The following CACNA2D3 variants were observed in gnomAD, a reference collection of about 807,000 sequenced individuals.
CACNA2D3 encodes the protein calcium voltage-gated channel auxiliary subunit alpha2delta 3, also known as voltage-dependent calcium channel subunit alpha-2/delta-3.
A neutral mutation model predicts 160.6 loss-of-function variants in CACNA2D3; 60 were observed. The ratio of observed to expected loss-of-function variants is 0.37; its 90% CI spans 0.30 to 0.46. The LOEUF is 0.46. CACNA2D3 is among the 20% of genes least tolerant of loss of function. The pLI is 1.00. For missense variants in CACNA2D3, 1,205 were observed against 1,365.0 expected, an observed-to-expected ratio of 0.88 and a Z score of 1.85; for synonymous variants, 558 against 492.9, an observed-to-expected ratio of 1.13 and a Z score of -1.75.
rs1305888904 is a variant in CACNA2D3, at chr3:54,248,492, AAAAAAG to A, written c.205-71932_205-71927del. On this transcript the variant is annotated intron_variant, in intron 2 of 37. Coordinates refer to ENST00000474759, the MANE Select transcript of CACNA2D3 (RefSeq NM_018398.3). ...GAGAAACTCCATCTCAAAAAAAAAA[AAAAAAG>A]AAAAAGAAAAAGAAAAAAAAAGGTG... 3.6e-4 allele frequency among the ~76,000 whole-genome samples: 55 copies of A among 151,644 alleles called. No homozygotes were observed. The East Asian group carries it at 6.2e-3, about 17-fold the overall frequency.
At chr3:54,970,289 A>G (rs1234006638) in intron 29 of CACNA2D3, among the ~76,000 whole-genome samples, 1 of 152,160 alleles carries the variant, frequency 6.6e-6, no homozygotes, top group East Asian at 1.9e-4. Flanking sequence ...ATTTCATGTA[A>G]TAAGCAAACA....
intron 2 of CACNA2D3, among the ~76,000 whole-genome samples, chr3:54,269,706 A>G (rs948782271): frequency 1.1e-4 from 17 of 152,340 alleles, no homozygotes; most frequent in Admixed American, 1.0e-3. Context: ...TGTCTGGACC[A>G]GGTGTCCAGA....
At chr3:54,507,877 T>C (rs892291662) in intron 5 of CACNA2D3, among the ~76,000 whole-genome samples, 6 of 152,172 alleles carry the variant, frequency 3.9e-5, no homozygotes, top group Non-Finnish European at 5.9e-5. Flanking sequence ...TCATAGTGAG[T>C]TGCCTCGGGG....
chr3:54,717,884 T>C (rs1420476816), intron 11 of CACNA2D3, among the ~76,000 whole-genome samples: 8 of 151,356 alleles, frequency 5.3e-5, no homozygotes, highest in African/African-American at 1.9e-4. Flanking sequence ...GGTGGGTGTG[T>C]GTGCGTGTGT....
chr3:54,999,482 A>G (rs548807093), intron 31 of CACNA2D3, among the ~76,000 whole-genome samples: 2 of 152,256 alleles, frequency 1.3e-5, no homozygotes, highest in South Asian at 4.2e-4. Context: ...AGACTTTTCA[A>G]TTCGGAATTG....
At chr3:54,628,448 A>G (rs1290735479) in intron 10 of CACNA2D3, among the ~76,000 whole-genome samples, 1 of 152,190 alleles carries the variant, frequency 6.6e-6, no homozygotes, top group Non-Finnish European at 1.5e-5. Context: ...TCATAGAGAC[A>G]CTAATGAGGG....
chr3:54,439,168 C>A (rs370233063), intron 4 of CACNA2D3, among the ~76,000 whole-genome samples: 1 of 152,178 alleles, frequency 6.6e-6, no homozygotes, highest in East Asian at 1.9e-4. Flanking sequence ...CACCTCCCAT[C>A]TTCGGGTTAT....
chr3:54,663,333 C>T (rs1418701158), intron 11 of CACNA2D3, among the ~76,000 whole-genome samples: 9 of 152,154 alleles, frequency 5.9e-5, no homozygotes, highest in Admixed American at 5.9e-4. Context: ...TGTGGCACCT[C>T]CTGTTGTCTT....
At chr3:54,886,615 A>G (rs1377663463) in intron 23 of CACNA2D3, among the ~76,000 whole-genome samples, 1 of 152,146 alleles carries the variant, frequency 6.6e-6, no homozygotes, top group Non-Finnish European at 1.5e-5. Context: ...GTATTTGTTC[A>G]TTATTCTCAA....
At chr3:54,299,252 T>A (rs956699696) in intron 2 of CACNA2D3, among the ~76,000 whole-genome samples, 1 of 150,536 alleles carries the variant, frequency 6.6e-6, no homozygotes, top group East Asian at 1.9e-4. Context: ...AACTGAAACA[T>A]AGCAGAGGCA....
intron 2 of CACNA2D3, among the ~76,000 whole-genome samples, chr3:54,276,724 G>C (rs1351585596): frequency 2.0e-5 from 3 of 152,068 alleles, no homozygotes; most frequent in Admixed American, 2.0e-4. Context: ...GGCTGGTATG[G>C]GAGAGAGGAT....
intron 23 of CACNA2D3, among the ~76,000 whole-genome samples, chr3:54,886,935 C>CCTTTTTTTT (rs748130974): frequency 3.1e-4 from 33 of 107,754 alleles, no homozygotes; most frequent in African/African-American, 1.2e-3. Context: ...CAGCAAAGCT[C>CCTTTTTTTT]TTTTTTTTTT....
At chr3:54,873,162 A>C (rs1456671579) in intron 18 of CACNA2D3, among the ~76,000 whole-genome samples, 1 of 152,114 alleles carries the variant, frequency 6.6e-6, no homozygotes, top group Non-Finnish European at 1.5e-5. Flanking sequence ...TGTTCTGAGG[A>C]TTAAATGGAT....
chr3:54,574,396 A>G (rs771049079), intron 8 of CACNA2D3, among the ~76,000 whole-genome samples: 6 of 152,190 alleles, frequency 3.9e-5, no homozygotes, highest in Non-Finnish European at 7.3e-5. Flanking sequence ...TGTGAACTGC[A>G]TGTTTAATAT....
At chr3:54,459,720 G>A (rs562513398) in intron 4 of CACNA2D3, among the ~76,000 whole-genome samples, 16 of 152,088 alleles carry the variant, frequency 1.1e-4, no homozygotes, top group Admixed American at 6.5e-4. Context: ...CATTTTGTAG[G>A]TTGCCTGTTC....
chr3:54,538,831 A>G (rs1157867436), intron 5 of CACNA2D3, among the ~76,000 whole-genome samples: 2 of 152,192 alleles, frequency 1.3e-5, no homozygotes, highest in Non-Finnish European at 2.9e-5. Flanking sequence ...AGAAGAGTCC[A>G]TACTATATGT....
intron 13 of CACNA2D3, among the ~76,000 whole-genome samples, chr3:54,816,562 C>A (rs1703461893): frequency 6.6e-6 from 1 of 152,174 alleles, no homozygotes. Flanking sequence ...GGCAGAAGAG[C>A]CTCGGTTCCA....
chr3:54,253,892 C>T (rs549055299), intron 2 of CACNA2D3, among the ~76,000 whole-genome samples: 34 of 152,088 alleles, frequency 2.2e-4, no homozygotes, highest in African/African-American at 5.5e-4. Context: ...CTCAGCCTCC[C>T]GAGTAGCTGG....
intron 2 of CACNA2D3, among the ~76,000 whole-genome samples, chr3:54,205,144 C>T (rs533917615): frequency 2.4e-4 from 36 of 152,032 alleles, no homozygotes; most frequent in Non-Finnish European, 4.9e-4. Context: ...ACCACGGCTA[C>T]GTGAGGATAA....
Sources: allele counts gnomAD v4.1 joint callset (sites outside exome capture counted in the v4.1 genomes callset), GRCh38; gene constraint gnomAD v4.1.1; transcripts MANE v1.5; gene names NCBI Gene and HGNC (gene_info 2026-07-23, HGNC 2026-07-21).